ZNF618: variants seen among roughly 807,000 people sequenced by gnomAD.
The protein encoded by ZNF618 is zinc finger protein 618.
Under a neutral mutation model 103.0 loss-of-function variants are expected in ZNF618, and 34 were observed. The observed-to-expected ratio is 0.33, with a 90% confidence interval of 0.25 to 0.44. The LOEUF is 0.44. ZNF618 is among the 20% of genes least tolerant of loss of function. The pLI is 1.00. For missense variants in ZNF618, 1,059 were observed against 1,295.4 expected, an observed-to-expected ratio of 0.82 and a Z score of 2.80; for synonymous variants, 551 against 542.2, an observed-to-expected ratio of 1.02 and a Z score of -0.23.
At chr9:113,898,773 G>C (rs886146190) in intron 1 of ZNF618, among the ~76,000 whole-genome samples, 1 of 152,178 alleles carries the variant, frequency 6.6e-6, no homozygotes, top group East Asian at 1.9e-4. Context: ...GCAGCAGCCC[G>C]GGGTTAATGA....
chr9:113,947,468 T>C (rs1347665513), intron 1 of ZNF618, among the ~76,000 whole-genome samples: 1 of 152,160 alleles, frequency 6.6e-6, no homozygotes, highest in Non-Finnish European at 1.5e-5. Context: ...TGCTAACATG[T>C]TCCTTGAGAT....
chr9:113,937,804 T>C (rs1476448126), intron 1 of ZNF618, among the ~76,000 whole-genome samples: 3 of 152,230 alleles, frequency 2.0e-5, no homozygotes, highest in African/African-American at 7.2e-5. Context: ...TTTTCTAAAT[T>C]CTGATATATA....
intron 1 of ZNF618, among the ~76,000 whole-genome samples, chr9:113,924,003 G>T (rs1225515005): frequency 6.6e-6 from 1 of 152,048 alleles, no homozygotes; most frequent in Non-Finnish European, 1.5e-5. Flanking sequence ...GATTAGGGAT[G>T]CTAAACTTGC....
intron 10 of ZNF618, among the ~76,000 whole-genome samples, chr9:114,018,631 G>A (rs1157444488): frequency 6.6e-6 from 1 of 152,198 alleles, no homozygotes; most frequent in Non-Finnish European, 1.5e-5. Flanking sequence ...CATGTCAGAT[G>A]GTAAAGCAGA....
intron 1 of ZNF618, among the ~76,000 whole-genome samples, chr9:113,891,759 C>A (rs1030247676): frequency 2.0e-5 from 3 of 152,132 alleles, no homozygotes; most frequent in African/African-American, 7.2e-5. Flanking sequence ...ATTCAGCCTT[C>A]ATTTTTAAGG....
At chr9:113,989,402 G>A (rs1401393779) in intron 3 of ZNF618, among the ~76,000 whole-genome samples, 1 of 152,206 alleles carries the variant, frequency 6.6e-6, no homozygotes, top group Non-Finnish European at 1.5e-5. Flanking sequence ...TTTAAATGTT[G>A]CAACCAATTG....
chr9:113,919,350 C>T (rs368141035), intron 1 of ZNF618, among the ~76,000 whole-genome samples: 1 of 152,116 alleles, frequency 6.6e-6, no homozygotes, highest in South Asian at 2.1e-4. Context: ...TGCAGTCTCC[C>T]GAGATGCACA....
intron 1 of ZNF618, among the ~76,000 whole-genome samples, chr9:113,945,423 T>C (rs1834926245): frequency 6.6e-6 from 1 of 152,266 alleles, no homozygotes; most frequent in Non-Finnish European, 1.5e-5. Context: ...AGATCTTGGC[T>C]TGACATTTCT....
In ZNF618 at chr9:114,049,167, G is replaced by A. The variant is rs1239999964; in HGVS notation, c.1865G>A (p.Ser622Asn). Residue 622 changes from serine (S) to asparagine (N), a missense_variant, in exon 15 of 15, where the codon AGC becomes AAC. By Grantham distance (46) the Ser-to-Asn change is conservative. Coordinates refer to ENST00000374126, the MANE Select transcript of ZNF618 (RefSeq NM_001318042.2). ...RTVYVTDCRV[S>N]TSAFSKAGMC... ...GTGTACGTGACGGATTGCCGGGTGAGCACGTCCGCCTTCTCCAAGGCCGGC... is the reference window on the plus strand; with the variant it reads ...GTGTACGTGACGGATTGCCGGGTGAACACGTCCGCCTTCTCCAAGGCCGGC... 3.1e-6 allele frequency: 5 copies of A among 1,613,848 alleles called. No individual in the cohort carries two copies. In the Admixed American group the frequency reaches 5.0e-5, roughly 16 times the overall value.
At chr9:114,048,166 G>T (rs1845822853) in intron 14 of ZNF618, among the ~76,000 whole-genome samples, 172 bp downstream of exon 14, 1 of 152,204 alleles carries the variant, frequency 6.6e-6, no homozygotes, top group Non-Finnish European at 1.5e-5. Context: ...TTAACTCAGG[G>T]GATGGGCAGA....
At position 114,049,612 on chromosome 9, in the gene ZNF618, G is replaced by A. The variant is rs953144111; in HGVS notation, c.2310G>A (p.Leu770=). The change falls in exon 15 of 15, where the codon CTG becomes CTA. Residue 770 remains leucine, a synonymous_variant. Coordinates refer to ENST00000374126, the MANE Select transcript of ZNF618 (RefSeq NM_001318042.2). ...VLPTYVRLEK[L]FTAKANDAGT... is the part of the protein sequence containing the mutation. ...CCACCTACGTCAGGCTGGAGAAGCT[G>A]TTCACGGCCAAGGCCAACGACGCAG... 14 of 1,613,746 alleles carry A rather than the reference G, an allele frequency of 8.7e-6. No homozygotes were observed. Among genetic ancestry groups the A allele is most frequent in the African/African-American group, 1.3e-5 (1 of 74,952 alleles).
chr9:114,048,544 T>C (rs1258273100), intron 14 of ZNF618, 107 bp from the exon 15 acceptor site: 1 of 1,202,418 alleles, frequency 8.3e-7, no homozygotes, highest in East Asian at 2.4e-5. Context: ...CAAGAGGAAA[T>C]ATATTTGCCA....
At position 114,002,627 on chromosome 9, in the gene ZNF618, C is replaced by G; in HGVS notation, c.515C>G (p.Thr172Ser). 2 of 1,610,788 alleles carry G rather than the reference C, an allele frequency of 1.2e-6. No individual in the cohort carries two copies. Among genetic ancestry groups the G allele is most frequent in the Non-Finnish European group, 1.7e-6 (2 of 1,179,660 alleles). The change falls in exon 6 of 15, where the codon ACC becomes AGC. Residue 172 changes from threonine to serine, a missense_variant. Physicochemically the swap from Thr to Ser is moderately conservative, Grantham distance 58. Around this residue, in one of 6 missense-constraint regions of ZNF618, gnomAD observed 434 missense variants for 476.0 expected, o/e 0.91. Transcript: ENST00000374126. Reference protein sequence around the residue: ...FQTHVRAHRDTEATSGEGASQ... With the variant: ...FQTHVRAHRDSEATSGEGASQ... Reference sequence around the variant, plus strand: ...CCCTCTCTCTCTCTCTTTGCAGACACCGAAGCCACCTCAGGGGAGGGAGCC... The same window carrying G: ...CCCTCTCTCTCTCTCTTTGCAGACAGCGAAGCCACCTCAGGGGAGGGAGCC...
chr9:114,044,474 T>TGTTGCC (rs1190398860), intron 13 of ZNF618, among the ~76,000 whole-genome samples: 1 of 152,200 alleles, frequency 6.6e-6, no homozygotes, highest in African/African-American at 2.4e-5. Context: ...TCCGGTAATG[T>TGTTGCC]GTTGCCCCCA....
chr9:113,880,067 C>G (rs1828373932), intron 1 of ZNF618, among the ~76,000 whole-genome samples: 1 of 152,118 alleles, frequency 6.6e-6, no homozygotes, highest in Non-Finnish European at 1.5e-5. Context: ...CAATATTTTT[C>G]TCACTTTTGA....
intron 1 of ZNF618, among the ~76,000 whole-genome samples, chr9:113,927,655 G>C (rs938418202): frequency 6.6e-6 from 1 of 152,218 alleles, no homozygotes; most frequent in African/African-American, 2.4e-5. Context: ...GAAAACTAGA[G>C]GGGTTGGAGA....
At chr9:114,024,156 C>G (rs901712668) in intron 10 of ZNF618, among the ~76,000 whole-genome samples, 3 of 152,138 alleles carry the variant, frequency 2.0e-5, no homozygotes, top group Non-Finnish European at 4.4e-5. Flanking sequence ...TGAATAGATT[C>G]TATTGCCCTG....
intron 1 of ZNF618, among the ~76,000 whole-genome samples, chr9:113,887,380 C>T (rs1829177427): frequency 6.6e-6 from 1 of 152,168 alleles, no homozygotes; most frequent in African/African-American, 2.4e-5. Flanking sequence ...GAAAGCAAAT[C>T]CAACAAGATG....
Position 113,969,105 on chromosome 9 carries a change from T to C in ZNF618, c.34-12T>C. 6.2e-7 allele frequency: 1 copy of C among 1,613,918 alleles called. No individual in the cohort carries two copies. Among genetic ancestry groups the C allele is most frequent in the Non-Finnish European group, 8.5e-7 (1 of 1,179,878 alleles). Reference sequence around the variant, plus strand: ...CCTTGGCTGATGTAGGTGTTTTGGGTTTCTTTTGCAGGCTGACGGAGCCAG... The same window carrying C: ...CCTTGGCTGATGTAGGTGTTTTGGGCTTCTTTTGCAGGCTGACGGAGCCAG... On this transcript the variant is annotated splice_polypyrimidine_tract_variant and intron_variant, in intron 1 of 14. Coordinates refer to ENST00000374126, the MANE Select transcript of ZNF618 (RefSeq NM_001318042.2).
Sources: gnomAD v4.1 joint callset for allele counts (sites outside exome capture counted in the v4.1 genomes callset) on GRCh38, gnomAD v4.1.1 for gene constraint, gnomAD v4.1.1 regional missense constraint, MANE v1.5 for transcripts, NCBI Gene and HGNC (gene_info 2026-07-23, HGNC 2026-07-21) for gene names.